PECAM1: variants seen among roughly 807,000 people sequenced by gnomAD.
PECAM1 encodes the protein platelet and endothelial cell adhesion molecule 1, also known as platelet endothelial cell adhesion molecule.
PECAM1 carries 8 observed loss-of-function variants against 13.8 expected under a neutral mutation model. The observed-to-expected ratio is 0.58, with a 90% CI of 0.34 to 1.05. The LOEUF (loss-of-function observed/expected upper bound fraction) is 1.05, where lower values mean the gene tolerates loss of function less well. Ranked by LOEUF, PECAM1 falls within the 50% of genes least tolerant of loss-of-function variation. The pLI is 0.03. For synonymous variants in PECAM1, 136 were observed against 52.6 expected, an observed-to-expected ratio of 2.58 and a Z score of -6.86; for missense variants, 304 against 141.2, an observed-to-expected ratio of 2.15 and a Z score of -5.84.
intron 14 of PECAM1, among the ~76,000 whole-genome samples, chr17:64,336,999 AAGAAAGAGAGAGAG>A (rs1482839681): frequency 5.3e-5 from 8 of 152,076 alleles, no homozygotes; most frequent in Non-Finnish European, 8.8e-5. Flanking sequence ...GCGAGAGAGA[AAGAAAGAGAGAGAG>A]AGAAAGAGAG....
At chr17:64,354,670 G>A (rs2035809092) in intron 9 of PECAM1, among the ~76,000 whole-genome samples, 1 of 152,182 alleles carries the variant, frequency 6.6e-6, no homozygotes, top group South Asian at 2.1e-4. Context: ...TTATGCGCAT[G>A]TTTGTGTGTC....
Position 64,324,894 on chromosome 17 carries a change from T to C in PECAM1, c.2188-1049A>G, listed in dbSNP as rs116318052. ...CTGGAGGGGCAATGGGGAGTTAGTGTTTAATGGGTACAGTGTTTCAGTGGC... is the reference window on the plus strand; with the variant it reads ...CTGGAGGGGCAATGGGGAGTTAGTGCTTAATGGGTACAGTGTTTCAGTGGC... On this transcript the variant is annotated intron_variant, in intron 15 of 15. Coordinates refer to ENST00000563924, the MANE Select transcript of PECAM1 (RefSeq NM_000442.5). Among the ~76,000 whole-genome samples, 90 of 152,296 alleles carry C rather than the reference T, an allele frequency of 5.9e-4. 2 individuals carry two copies. Among genetic ancestry groups the C allele is most frequent in the African/African-American group, 2.1e-3 (86 of 41,562 alleles).
chr17:64,383,262 C>T (rs1048247539), intron 2 of PECAM1, among the ~76,000 whole-genome samples: 5 of 152,200 alleles, frequency 3.3e-5, no homozygotes, highest in Admixed American at 6.5e-5. Flanking sequence ...GATTCAAACC[C>T]GTGATCCCAC....
At chr17:64,378,500 G>A (rs1485235158) in intron 2 of PECAM1, among the ~76,000 whole-genome samples, 1 of 152,132 alleles carries the variant, frequency 6.6e-6, no homozygotes, top group East Asian at 1.9e-4. Flanking sequence ...AAATTAGCCA[G>A]GTTTGGTGGT....
rs1216996721 is a variant in PECAM1, at chr17:64,342,907, C to T, written c.2108-1217G>A. On this transcript the variant is annotated intron_variant, in intron 13 of 15. Coordinates refer to ENST00000563924, the MANE Select transcript of PECAM1 (RefSeq NM_000442.5). ...AGGATGTGTCTACACACATTGTATA[C>T]ACACTGTATGTACAAACATGCAATC... 1.3e-5 allele frequency among the ~76,000 whole-genome samples: 2 copies of T among 152,084 alleles called. 1 individual carries two copies. The highest frequency in any genetic ancestry group is 4.1e-4 in the South Asian group (2 of 4,826).
chr17:64,348,305 C>T lies in PECAM1; in HGVS notation c.2062G>A (p.Val688Met). The T allele has an allele frequency of 4.2e-6, 2 of 475,158 alleles. No homozygotes were observed. Among genetic ancestry groups the T allele is most frequent in the Non-Finnish European group, 7.7e-6 (2 of 259,000 alleles). 29.4% of individuals were successfully genotyped at this position (475,158 alleles called of 1,614,324 possible). Residue 688 changes from valine to methionine, a missense_variant, in exon 13 of 16, where the codon GTG (valine) becomes ATG (methionine). Val to Met is a conservative substitution (Grantham distance 21). Coordinates refer to ENST00000563924, the MANE Select transcript of PECAM1 (RefSeq NM_000442.5). ...NDNKEPLNSD[V>M]QYTEVQVSSA... ...GACACTTGAACTTCCGTGTACTGCA[C>T]GTCTGAGTTCAGAGGCTCTGCTCAA...
At chr17:64,386,261 C>T (rs1413764110) in intron 2 of PECAM1, among the ~76,000 whole-genome samples, 1 of 151,706 alleles carries the variant, frequency 6.6e-6, no homozygotes, top group Non-Finnish European at 1.5e-5. Context: ...AAAAATTAGC[C>T]GGGCATGGTG....
At chr17:64,372,604 G>A (rs1403065883) in intron 4 of PECAM1, among the ~76,000 whole-genome samples, 3 of 152,088 alleles carry the variant, frequency 2.0e-5, no homozygotes, top group Non-Finnish European at 4.4e-5. Flanking sequence ...CCAGGTTCAA[G>A]TGATCCTCCT....
intron 2 of PECAM1, among the ~76,000 whole-genome samples, chr17:64,378,582 C>A (rs2036414765): frequency 6.6e-6 from 1 of 151,320 alleles, no homozygotes; most frequent in South Asian, 2.1e-4. Flanking sequence ...GCGGGGGTTG[C>A]AGTGAGGTGA....
At chr17:64,335,183 C>T (rs1260717581) in intron 14 of PECAM1, among the ~76,000 whole-genome samples, 4 of 152,156 alleles carry the variant, frequency 2.6e-5, no homozygotes, top group Non-Finnish European at 5.9e-5. Flanking sequence ...CCAGCCCATA[C>T]CTCATCTCAC....
chr17:64,349,901 A>C (rs1320727136), intron 12 of PECAM1, among the ~76,000 whole-genome samples: 6 of 152,178 alleles, frequency 3.9e-5, no homozygotes, highest in Non-Finnish European at 8.8e-5. Flanking sequence ...AAAAACAAAA[A>C]AAAGAAAGAA....
intron 13 of PECAM1, among the ~76,000 whole-genome samples, 182 bp downstream of exon 13, chr17:64,348,078 G>A (rs1249632966): frequency 6.6e-6 from 1 of 152,100 alleles, no homozygotes; most frequent in African/African-American, 2.4e-5. Flanking sequence ...CTCAGAGACA[G>A]GGCCAGGGCC....
chr17:64,387,630 G>A (rs1463631041), intron 2 of PECAM1, among the ~76,000 whole-genome samples: 5 of 152,164 alleles, frequency 3.3e-5, no homozygotes, highest in African/African-American at 9.7e-5. Context: ...CAGCTGAGGA[G>A]CAGGGTGCAT....
chr17:64,379,449 T>C (rs2036434800), intron 2 of PECAM1, among the ~76,000 whole-genome samples: 2 of 152,196 alleles, frequency 1.3e-5, no homozygotes, highest in African/African-American at 4.8e-5. Flanking sequence ...TAGAAGATCC[T>C]GAACCATGCC....
chr17:64,336,979 AAAAG>A (rs1178950929), intron 14 of PECAM1, among the ~76,000 whole-genome samples: 26 of 152,222 alleles, frequency 1.7e-4, no homozygotes, highest in East Asian at 5.8e-4. Context: ...AAGAAAAAGA[AAAAG>A]AGAGAGCGAG....
chr17:64,388,168 T>C (rs1364285400), intron 2 of PECAM1, among the ~76,000 whole-genome samples: 2 of 152,064 alleles, frequency 1.3e-5, no homozygotes, highest in African/African-American at 4.8e-5. Context: ...GAGGGAGCAA[T>C]TGACTTCCAT....
chr17:64,374,509 G>A (rs1166079303), intron 4 of PECAM1, among the ~76,000 whole-genome samples: 1 of 147,284 alleles, frequency 6.8e-6, no homozygotes, highest in Admixed American at 6.8e-5. Context: ...ACAAGGTTGG[G>A]GTGGTGGCTC....
chr17:64,350,643 C>CT lies in PECAM1; in HGVS notation c.1991-211dup, dbSNP rs869084700. ...AGTCTTTTTCTTTTTTTCTTTCTTTCTTTTTTTTTTTTTTTTGAGGCAATG... is the reference window on the plus strand; with the variant it reads ...AGTCTTTTTCTTTTTTTCTTTCTTTCTTTTTTTTTTTTTTTTTGAGGCAATG... On this transcript the variant is annotated intron_variant, in intron 11 of 15. Transcript: ENST00000563924. Among the ~76,000 whole-genome samples the CT allele has an allele frequency of 8.2e-3, 421 of 51,154 alleles. 3 individuals carry two copies. Among genetic ancestry groups the CT allele is most frequent in the Non-Finnish European group, 9.3e-3 (161 of 17,376 alleles). 33.6% of individuals were successfully genotyped at this position (51,154 alleles called of 152,430 possible).
chr17:64,359,517 AGT>A (rs1366223225), intron 7 of PECAM1, among the ~76,000 whole-genome samples: 1 of 152,178 alleles, frequency 6.6e-6, no homozygotes, highest in African/African-American at 2.4e-5. Context: ...TTCTCAGAAC[AGT>A]GTATCTGAAA....
Sources: allele counts gnomAD v4.1 joint callset (sites outside exome capture counted in the v4.1 genomes callset), GRCh38; gene constraint gnomAD v4.1.1; transcripts MANE v1.5; gene names NCBI Gene and HGNC (gene_info 2026-07-23, HGNC 2026-07-21).